Variants in PKD2 observed in about 807,000 individuals in gnomAD.
PKD2 encodes polycystin-2.
A neutral mutation model predicts 105.9 loss-of-function variants in PKD2; 48 were observed. The ratio of observed to expected loss-of-function variants is 0.45; its 90% CI spans 0.36 to 0.58. The LOEUF is 0.58. Ranked by LOEUF, PKD2 falls within the 20% of genes least tolerant of loss-of-function variation. The pLI is 0.00. For missense variants in PKD2, 1,078 were observed against 1,255.3 expected, an observed-to-expected ratio of 0.86 and a Z score of 2.13; for synonymous variants, 464 against 481.1, an observed-to-expected ratio of 0.96 and a Z score of 0.46.
chr4:88,061,508 C>T (rs962958748), intron 9 of PKD2, among the ~76,000 whole-genome samples: 5 of 152,070 alleles, frequency 3.3e-5, no homozygotes, highest in African/African-American at 7.2e-5. Flanking sequence ...GAAGCCGAGG[C>T]GGGCAGATCA....
Position 88,017,180 on chromosome 4 carries a change from C to T in PKD2, c.596-2278C>T, listed in dbSNP as rs148051659. Reference sequence around the variant, plus strand: ...CTCTGCAAAAAATCAAAAAATGAGGCGGAAGGATGGCTTGAGCCCAGGAGA... The same window carrying T: ...CTCTGCAAAAAATCAAAAAATGAGGTGGAAGGATGGCTTGAGCCCAGGAGA... On this transcript the variant is annotated intron_variant, in intron 1 of 14. Coordinates refer to ENST00000237596, the MANE Select transcript of PKD2 (RefSeq NM_000297.4). Among the ~76,000 whole-genome samples, 347 of 151,960 alleles carry T rather than the reference C, an allele frequency of 2.3e-3. 1 individual carries two copies. Among genetic ancestry groups the T allele is most frequent in the African/African-American group, 7.5e-3 (310 of 41,458 alleles).
chr4:88,062,082 A>C (rs1252434193), intron 10 of PKD2, 78 bp downstream of exon 10: 1 of 775,726 alleles, frequency 1.3e-6, no homozygotes, highest in Admixed American at 1.8e-5. Flanking sequence ...TTTTCAAATC[A>C]ACATTGATCC....
chr4:88,034,610 G>A lies in PKD2; in HGVS notation c.710-1610G>A, dbSNP rs2725224. On this transcript the variant is annotated intron_variant, in intron 2 of 14. Transcript: ENST00000237596. ...TTGAACCTGGGAGGGGGAGGTTGCAGTGAGCCGAGATCACTCCATTGCACT... is the reference window on the plus strand; with the variant it reads ...TTGAACCTGGGAGGGGGAGGTTGCAATGAGCCGAGATCACTCCATTGCACT... 5.9e-3 allele frequency among the ~76,000 whole-genome samples: 875 copies of A among 147,940 alleles called. 66 individuals carry two copies. The East Asian group carries it at 0.16, about 27-fold the overall frequency.
chr4:88,022,529 A>C (rs568931801), intron 2 of PKD2, among the ~76,000 whole-genome samples: 2 of 152,310 alleles, frequency 1.3e-5, no homozygotes, highest in East Asian at 3.9e-4. Context: ...CCAGATTAAA[A>C]AGGAAGTGAG....
intron 9 of PKD2, among the ~76,000 whole-genome samples, chr4:88,058,532 TTCTC>T (rs769915252): frequency 1.3e-5 from 2 of 152,176 alleles, no homozygotes; most frequent in East Asian, 1.9e-4. Flanking sequence ...AGCATGACTT[TTCTC>T]TCTTTCTTCT....
intron 1 of PKD2, among the ~76,000 whole-genome samples, chr4:88,009,588 CATGTT>C (rs1322743972): frequency 1.3e-5 from 2 of 151,886 alleles, no homozygotes; most frequent in South Asian, 2.1e-4. Context: ...ATGTATTTGT[CATGTT>C]ATTAGCGCTT....
chr4:88,052,289 G>A (rs1236575181), intron 7 of PKD2, 131 bp downstream of exon 7: 3 of 675,260 alleles, frequency 4.4e-6, no homozygotes, highest in Non-Finnish European at 7.9e-6. Flanking sequence ...TTTACTTTGA[G>A]ACAGGGTCTC....
At chr4:88,019,318 C>CA (rs1726665974) in intron 1 of PKD2, 140 bp from the exon 2 acceptor site, 1 of 621,442 alleles carries the variant, frequency 1.6e-6, no homozygotes, top group African/African-American at 1.9e-5. Context: ...CAGTTGCATT[C>CA]AAAATGTGAT....
chr4:88,062,855 G>A (rs538182198), intron 10 of PKD2, among the ~76,000 whole-genome samples: 4 of 152,196 alleles, frequency 2.6e-5, no homozygotes, highest in East Asian at 3.9e-4. Context: ...TCTTGATTCC[G>A]CATAACAGTT....
chr4:88,010,770 T>C (rs1437062497), intron 1 of PKD2, among the ~76,000 whole-genome samples: 1 of 152,226 alleles, frequency 6.6e-6, no homozygotes, highest in Non-Finnish European at 1.5e-5. Context: ...GTCTGTTGTT[T>C]AATGACATGA....
chr4:88,075,726 A>C lies in PKD2; in HGVS notation c.*32A>C. ...TGTTTCAGTATGTGTGTTTCTAATA[A>C]GTGAGGAAGTGGCTGTCCTGAATTG... On this transcript the variant is annotated 3_prime_UTR_variant, in exon 15 of 15. Coordinates refer to ENST00000237596, the MANE Select transcript of PKD2 (RefSeq NM_000297.4). The C allele has an allele frequency of 6.8e-7, 1 of 1,479,666 alleles. No individual in the cohort carries two copies. Among genetic ancestry groups the C allele is most frequent in the Non-Finnish European group, 9.4e-7 (1 of 1,061,834 alleles). The allele number at this position is 1,479,666 out of a possible 1,614,324, so 91.7% of individuals were successfully genotyped here.
At chr4:88,011,163 GTATT>G (rs2110082707) in intron 1 of PKD2, among the ~76,000 whole-genome samples, 1 of 152,310 alleles carries the variant, frequency 6.6e-6, no homozygotes, top group East Asian at 1.9e-4. Context: ...GTATCCTCAA[GTATT>G]TGTTTATTCT....
At chr4:88,017,244 C>T (rs533578814) in intron 1 of PKD2, among the ~76,000 whole-genome samples, 107 of 152,200 alleles carry the variant, frequency 7.0e-4, no homozygotes, top group Middle Eastern at 6.8e-3. Flanking sequence ...CACTACACTC[C>T]AGGCTGGGTA....
chr4:88,029,770 G>T (rs139203232), intron 2 of PKD2, among the ~76,000 whole-genome samples: 1 of 152,330 alleles, frequency 6.6e-6, no homozygotes, highest in Non-Finnish European at 1.5e-5. Flanking sequence ...AGGCCTCTGT[G>T]AAGCCTGAAG....
At chr4:88,058,313 A>G (rs560298720) in intron 9 of PKD2, among the ~76,000 whole-genome samples, 1 of 152,126 alleles carries the variant, frequency 6.6e-6, no homozygotes, top group African/African-American at 2.4e-5. Flanking sequence ...TCATTGATCC[A>G]TGTATATGTG....
chr4:88,034,538 C>T (rs1727264868), intron 2 of PKD2, among the ~76,000 whole-genome samples: 1 of 151,832 alleles, frequency 6.6e-6, no homozygotes, highest in Non-Finnish European at 1.5e-5. Context: ...CATGGTAGCA[C>T]ATGCCTGTAA....
At chr4:88,052,193 A>C (rs561247655) in intron 7 of PKD2, 35 bp downstream of exon 7, 95 of 1,317,160 alleles carry the variant, frequency 7.2e-5, no homozygotes, top group Middle Eastern at 4.0e-4. Flanking sequence ...CATTTTAAAT[A>C]ATATTTTCTT....
intron 13 of PKD2, among the ~76,000 whole-genome samples, chr4:88,074,051 C>T (rs1333131996): frequency 6.6e-6 from 1 of 152,004 alleles, no homozygotes; most frequent in Admixed American, 6.6e-5. Flanking sequence ...AAATAGTCTG[C>T]CACAGTATAA....
intron 1 of PKD2, among the ~76,000 whole-genome samples, chr4:88,011,282 T>G (rs1291241206): frequency 6.6e-6 from 1 of 152,122 alleles, no homozygotes; most frequent in Non-Finnish European, 1.5e-5. Flanking sequence ...TATCAACCTG[T>G]TAAAGTCAGT....
Sources: gnomAD v4.1 joint callset for allele counts (sites outside exome capture counted in the v4.1 genomes callset) on GRCh38, gnomAD v4.1.1 for gene constraint, MANE v1.5 for transcripts, NCBI Gene and HGNC (gene_info 2026-07-23, HGNC 2026-07-21) for gene names.